DICER1: variants seen among roughly 807,000 people sequenced by gnomAD.
DICER1 encodes the protein endoribonuclease Dicer.
In DICER1, 43 loss-of-function variants were observed where a neutral mutation model predicts 194.1. That is an observed-to-expected ratio of 0.22 (90% CI 0.17 to 0.29). The LOEUF (loss-of-function observed/expected upper bound fraction) is 0.29, where lower values mean the gene tolerates loss of function less well. DICER1 is among the 10% of genes least tolerant of loss of function. The probability of loss-of-function intolerance (pLI) is 1.00; values close to 1 mark genes in which losing one functional copy is unlikely to be tolerated. For synonymous variants in DICER1, 832 were observed against 820.5 expected (o/e 1.01, Z -0.24); for missense variants, 1,608 against 2,317.0 (o/e 0.69, Z 6.28).
chr14:95,120,319 G>A (rs780753718), intron 8 of DICER1, among the ~76,000 whole-genome samples: 1 of 152,128 alleles, frequency 6.6e-6, no homozygotes, highest in East Asian at 1.9e-4. Context: ...GTGCATAAGC[G>A]GCTGAAGAAT....
intron 11 of DICER1, among the ~76,000 whole-genome samples, chr14:95,115,063 C>T (rs938882212): frequency 2.0e-5 from 3 of 152,092 alleles, no homozygotes; most frequent in Non-Finnish European, 4.4e-5. Context: ...ATGAGTCTCT[C>T]TTGGTGTCTG....
chr14:95,136,309 T>C (rs934164936), intron 1 of DICER1, among the ~76,000 whole-genome samples: 1 of 152,224 alleles, frequency 6.6e-6, no homozygotes, highest in South Asian at 2.1e-4. Context: ...CCTCCACAGG[T>C]AATAGCCATG....
At chr14:95,102,116 G>C (rs1008133298) in intron 21 of DICER1, among the ~76,000 whole-genome samples, 1 of 152,182 alleles carries the variant, frequency 6.6e-6, no homozygotes, top group African/African-American at 2.4e-5. Context: ...GTGTGTACGT[G>C]TGTGTGCGTA....
intron 1 of DICER1, among the ~76,000 whole-genome samples, chr14:95,149,661 G>C (rs780947139): frequency 1.3e-5 from 2 of 152,126 alleles, no homozygotes; most frequent in Non-Finnish European, 2.9e-5. Context: ...TTCATGATTT[G>C]TTTGATTTTC....
chr14:95,118,598 G>A (rs573058539), intron 8 of DICER1, among the ~76,000 whole-genome samples: 1 of 152,252 alleles, frequency 6.6e-6, no homozygotes, highest in African/African-American at 2.4e-5. Flanking sequence ...CTACGGGACG[G>A]GATCACATTA....
chr14:95,091,185 A>G lies in DICER1; in HGVS notation c.5527+18T>C. ...TAATTTTGTGGGTTTTTTTCTTTCT[A>G]AAGGGAGCCAACAATACCTATTAGT... is the stretch of plus-strand genomic sequence containing the variant. On this transcript the variant is annotated intron_variant, in intron 25 of 26. Coordinates refer to ENST00000343455, the MANE Select transcript of DICER1 (RefSeq NM_177438.3). 6.2e-7 allele frequency: 1 copy of G among 1,614,154 alleles called. No individual in the cohort carries two copies. The highest frequency in any genetic ancestry group is 8.5e-7 in the Non-Finnish European group (1 of 1,180,010).
chr14:95,099,637 C>G (rs1396995033), intron 22 of DICER1, 143 bp downstream of exon 22: 1 of 1,046,986 alleles, frequency 9.6e-7, no homozygotes, highest in Non-Finnish European at 1.3e-6. Context: ...TTAAATATAT[C>G]AAATATCTAC....
At chr14:95,100,260 A>G (rs1890759096) in intron 21 of DICER1, among the ~76,000 whole-genome samples, 1 of 152,204 alleles carries the variant, frequency 6.6e-6, no homozygotes. Flanking sequence ...TGAAAATACA[A>G]CCTGATGATA....
chr14:95,109,482 C>T (rs1891758148), intron 14 of DICER1, among the ~76,000 whole-genome samples: 1 of 152,164 alleles, frequency 6.6e-6, no homozygotes, highest in African/African-American at 2.4e-5. Context: ...GATCCTCCTG[C>T]CTCAGCCTCC....
At chr14:95,091,473 AG>A in intron 24 of DICER1, 108 bp from the exon 25 acceptor site, 1 of 998,020 alleles carries the variant, frequency 1.0e-6, no homozygotes, top group Non-Finnish European at 1.6e-6. Flanking sequence ...TTCTTTAGTA[AG>A]GGGGGAAATA....
intron 8 of DICER1, among the ~76,000 whole-genome samples, chr14:95,120,125 C>T (rs1421303868): frequency 6.6e-6 from 1 of 152,158 alleles, no homozygotes; most frequent in East Asian, 1.9e-4. Flanking sequence ...GATATAAACA[C>T]ATTATTTGAA....
chr14:95,107,535 C>G lies in DICER1; in HGVS notation c.2804+73G>C, dbSNP rs533861128. On this transcript the variant is annotated intron_variant, in intron 17 of 26. Coordinates refer to ENST00000343455, the MANE Select transcript of DICER1 (RefSeq NM_177438.3). ...AAAGTGCTGGGACTGCAGGCGTGAG[C>G]CACCGTGCCCGACCTAGTGCATCTT... 8 of 1,513,176 alleles carry G rather than the reference C, an allele frequency of 5.3e-6. No homozygotes were observed. The South Asian group carries it at 7.9e-5, about 15-fold the overall frequency. 93.7% of individuals were successfully genotyped at this position (1,513,176 alleles called of 1,614,324 possible). A position where few individuals can be genotyped will look rare whatever the true frequency, so the allele number is the denominator to read the frequency against.
rs1263628434 is a variant in DICER1 at position 95,103,536 on chromosome 14, G to A, written c.3860C>T (p.Ser1287Leu). ...TCCAGGATTGGGGCCAAGAGTCCTT[G>A]AGGAGTACCCAATAGAAGGGCTCTG... is the stretch of plus-strand genomic sequence containing the variant. ...SEQSPSIGYSSRTLGPNPGLI... is the reference protein window; with the variant it reads ...SEQSPSIGYSLRTLGPNPGLI... Residue 1287 changes from serine to leucine, a missense_variant, in exon 21 of 27, where the codon TCA becomes TTA. By Grantham distance (145) the Ser-to-Leu change is moderately radical (BLOSUM62 -2). Around this residue, in one of 10 missense-constraint regions of DICER1, gnomAD observed 222 missense variants for 215.5 expected, o/e 1.03. Coordinates refer to ENST00000343455, the MANE Select transcript of DICER1 (RefSeq NM_177438.3). 6.2e-7 allele frequency: 1 copy of A among 1,614,050 alleles called. No individual in the cohort carries two copies. The highest frequency in any genetic ancestry group is 8.5e-7 in the Non-Finnish European group (1 of 1,180,036).
At chr14:95,115,203 A>G (rs1236024563) in intron 11 of DICER1, among the ~76,000 whole-genome samples, 1 of 152,226 alleles carries the variant, frequency 6.6e-6, no homozygotes, top group Non-Finnish European at 1.5e-5. Flanking sequence ...ATCCTGGTAT[A>G]TAATCCAGGA....
intron 8 of DICER1, among the ~76,000 whole-genome samples, chr14:95,121,279 A>T (rs1325424172): frequency 6.6e-6 from 1 of 152,242 alleles, no homozygotes; most frequent in Non-Finnish European, 1.5e-5. Flanking sequence ...GACACCTTGG[A>T]TTAAAGACAT....
intron 1 of DICER1, among the ~76,000 whole-genome samples, chr14:95,148,694 T>C (rs1472577363): frequency 1.3e-5 from 2 of 152,212 alleles, no homozygotes; most frequent in Non-Finnish European, 2.9e-5. Flanking sequence ...AAGATCTCCA[T>C]ATAAGAAGTG....
chr14:95,152,085 T>C (rs750678488), intron 1 of DICER1, among the ~76,000 whole-genome samples: 30 of 152,236 alleles, frequency 2.0e-4, no homozygotes, highest in Admixed American at 1.9e-3. Context: ...TCCTCAAGAA[T>C]TGTTCAAATG....
Position 95,105,272 on chromosome 14 carries a change from GATAAAT to G in DICER1, c.3094-32_3094-27del. On this transcript the variant is annotated intron_variant, in intron 19 of 26. Transcript: ENST00000343455. This position sits in a 1 kb window ranked among gnomAD's most constrained non-coding sequence, Gnocchi z 4.9. ...CTTCAAGTAAGGGGAAAAATGGACA[GATAAAT>G]ACAAAGCGCACACACAAAAGAAAAA... is the stretch of plus-strand genomic sequence containing the variant. 6.3e-7 allele frequency: 1 copy of G among 1,591,310 alleles called. No homozygotes were observed. Among genetic ancestry groups the G allele is most frequent in the South Asian group, 1.1e-5 (1 of 90,450 alleles).
Position 95,093,883 on chromosome 14 carries a change from C to A in DICER1, c.5364+5G>T. The A allele has an allele frequency of 6.2e-7, 1 of 1,614,154 alleles. No individual in the cohort carries two copies. Among genetic ancestry groups the A allele is most frequent in the African/African-American group, 1.3e-5 (1 of 75,040 alleles). Reference sequence around the variant, plus strand: ...TTTTTCAACATCGTTTTGAACAGCACTAACCTCAGAATCCATTCCTTGCAT... The same window carrying A: ...TTTTTCAACATCGTTTTGAACAGCAATAACCTCAGAATCCATTCCTTGCAT... On this transcript the variant is annotated splice_donor_5th_base_variant and intron_variant, in intron 24 of 26. Coordinates refer to ENST00000343455, the MANE Select transcript of DICER1 (RefSeq NM_177438.3).
Sources: allele counts gnomAD v4.1 joint callset (sites outside exome capture counted in the v4.1 genomes callset), GRCh38; gene constraint gnomAD v4.1.1; regional missense constraint gnomAD v4.1.1; non-coding constraint Gnocchi (gnomAD v3.1); transcripts MANE v1.5; gene names NCBI Gene and HGNC (gene_info 2026-07-23, HGNC 2026-07-21).